Variants in ZFAND3 observed in about 807,000 individuals in gnomAD.
ZFAND3 encodes the protein zinc finger AN1-type containing 3.
Under a neutral mutation model 29.6 loss-of-function variants are expected in ZFAND3, and 10 were observed. That is an observed-to-expected ratio of 0.34 (90% CI 0.21 to 0.57). ZFAND3 has a LOEUF of 0.57. Ranked by LOEUF, ZFAND3 falls within the 20% of genes least tolerant of loss-of-function variation. The pLI is 0.86. For missense variants in ZFAND3, 230 were observed against 304.5 expected (o/e 0.76, Z 1.82); for synonymous variants, 128 against 112.6 (o/e 1.14, Z -0.87).
chr6:37,920,214 G>A (rs1761351798), intron 1 of ZFAND3, among the ~76,000 whole-genome samples: 1 of 151,922 alleles, frequency 6.6e-6, no homozygotes. Flanking sequence ...TAGTGGGACA[G>A]TTGCAATCAT....
intron 1 of ZFAND3, among the ~76,000 whole-genome samples, chr6:37,862,399 T>C (rs1051592197): frequency 6.6e-6 from 1 of 151,822 alleles, no homozygotes; most frequent in Non-Finnish European, 1.5e-5. Context: ...TTAAATCTGC[T>C]GCAGGGGCTG....
chr6:37,989,414 A>G (rs1287124941), intron 2 of ZFAND3, among the ~76,000 whole-genome samples: 1 of 152,150 alleles, frequency 6.6e-6, no homozygotes, highest in African/African-American at 2.4e-5. Flanking sequence ...TCCTTGGTTT[A>G]CAGACACCTT....
intron 5 of ZFAND3, among the ~76,000 whole-genome samples, chr6:38,121,051 G>C (rs1177843536): frequency 2.0e-5 from 3 of 152,210 alleles, no homozygotes; most frequent in African/African-American, 7.2e-5. Context: ...GTCTAAATCT[G>C]TGGCTTCAAG....
chr6:37,958,584 C>T (rs564448798), intron 2 of ZFAND3, among the ~76,000 whole-genome samples: 2 of 152,028 alleles, frequency 1.3e-5, no homozygotes, highest in South Asian at 4.2e-4. Flanking sequence ...AAATATTTGA[C>T]TTAAGATAAT....
chr6:38,012,377 A>ATT lies in ZFAND3; in HGVS notation c.113-49198_113-49197dup, dbSNP rs67495073. ...AGCTTCCTCCTTTCTTTTTGATAGT[A>ATT]TTTTTTTTTTTTTTTTTTTGAGTCG... is the stretch of plus-strand genomic sequence containing the variant. On this transcript the variant is annotated intron_variant, in intron 2 of 5. Transcript: ENST00000287218. Among the ~76,000 whole-genome samples the ATT allele has an allele frequency of 4.6e-3, 572 of 123,326 alleles. 7 individuals carry two copies. Among genetic ancestry groups the ATT allele is most frequent in the African/African-American group, 0.015 (473 of 32,616 alleles). The allele number at this position is 123,326 out of a possible 152,430, so 80.9% of individuals were successfully genotyped here.
At chr6:37,891,896 T>A (rs550116828) in intron 1 of ZFAND3, among the ~76,000 whole-genome samples, 2 of 152,132 alleles carry the variant, frequency 1.3e-5, no homozygotes, top group East Asian at 1.9e-4. Flanking sequence ...ACCCTGCTAA[T>A]TTTTTGTATT....
intron 1 of ZFAND3, among the ~76,000 whole-genome samples, chr6:37,900,581 G>A (rs542025734): frequency 6.6e-6 from 1 of 152,222 alleles, no homozygotes; most frequent in African/African-American, 2.4e-5. Flanking sequence ...TTTTGGAAAA[G>A]CACTAGTATT....
chr6:38,114,148 C>T (rs1457797640), intron 4 of ZFAND3, among the ~76,000 whole-genome samples: 1 of 152,116 alleles, frequency 6.6e-6, no homozygotes, highest in African/African-American at 2.4e-5. Flanking sequence ...GAATTTAGGA[C>T]TTTGTCTCAG....
chr6:38,128,011 T>A (rs887384041), intron 5 of ZFAND3, among the ~76,000 whole-genome samples: 7 of 152,194 alleles, frequency 4.6e-5, no homozygotes, highest in Middle Eastern at 3.2e-3. Context: ...TCTCTTAACT[T>A]CTTCTTGTTA....
rs142037467 is a variant in ZFAND3 at position 37,824,929 on chromosome 6, C to T, written c.71+4913C>T. Among the ~76,000 whole-genome samples the T allele has an allele frequency of 2.0e-3, 312 of 152,268 alleles. 4 individuals are homozygous for T. The highest frequency in any genetic ancestry group is 7.2e-3 in the African/African-American group (300 of 41,522). Reference sequence around the variant, plus strand: ...CTAAAATAAATTTCATTTCTGAAATCGGTAATAATAGAAAGTTGATTGAAA... The same window carrying T: ...CTAAAATAAATTTCATTTCTGAAATTGGTAATAATAGAAAGTTGATTGAAA... On this transcript the variant is annotated intron_variant, in intron 1 of 5. Transcript: ENST00000287218.
At chr6:38,122,681 G>T (rs2127487589) in intron 5 of ZFAND3, among the ~76,000 whole-genome samples, 2 of 152,226 alleles carry the variant, frequency 1.3e-5, no homozygotes, top group East Asian at 3.9e-4. Context: ...ATTTTAATAT[G>T]CACTCAAGTA....
In ZFAND3 at chr6:38,154,107, C is replaced by G; in HGVS notation, c.*1718C>G. The G allele has an allele frequency of 1.0e-6, 1 of 985,550 alleles. No homozygotes were observed. Among genetic ancestry groups the G allele is most frequent in the Non-Finnish European group, 1.2e-6 (1 of 829,986 alleles). 61.1% of individuals were successfully genotyped at this position (985,550 alleles called of 1,614,324 possible). ...GACCGGTGTCTTGCTCTAGGGCAACCCAGGGCAGAGGGGCCAGGTCTGCCC... is the reference window on the plus strand; with the variant it reads ...GACCGGTGTCTTGCTCTAGGGCAACGCAGGGCAGAGGGGCCAGGTCTGCCC... On this transcript the variant is annotated 3_prime_UTR_variant, in exon 6 of 6. Coordinates refer to ENST00000287218, the MANE Select transcript of ZFAND3 (RefSeq NM_021943.3).
intron 1 of ZFAND3, among the ~76,000 whole-genome samples, chr6:37,924,829 TA>T (rs1277727686): frequency 2.0e-5 from 3 of 151,448 alleles, no homozygotes; most frequent in Non-Finnish European, 2.9e-5. Flanking sequence ...AAACAAAAAA[TA>T]AAAAAATAAA....
intron 5 of ZFAND3, among the ~76,000 whole-genome samples, chr6:38,123,905 T>C (rs1268595335): frequency 1.3e-5 from 2 of 152,152 alleles, no homozygotes; most frequent in African/African-American, 4.8e-5. Context: ...CAAGATTTAT[T>C]GCAAAGAGCG....
intron 4 of ZFAND3, among the ~76,000 whole-genome samples, chr6:38,103,401 ATAC>A (rs1765135756): frequency 6.8e-6 from 1 of 147,044 alleles, no homozygotes; most frequent in African/African-American, 2.6e-5. Flanking sequence ...ACACATATAT[ATAC>A]ACACACACGT....
chr6:38,112,953 G>A (rs937482189), intron 4 of ZFAND3, among the ~76,000 whole-genome samples: 6 of 152,058 alleles, frequency 3.9e-5, no homozygotes, highest in Non-Finnish European at 7.4e-5. Flanking sequence ...TTTGCTTCTC[G>A]AAGAAATTAC....
chr6:38,108,684 G>T (rs1021989536), intron 4 of ZFAND3, among the ~76,000 whole-genome samples: 6 of 152,164 alleles, frequency 3.9e-5, no homozygotes, highest in African/African-American at 1.4e-4. Flanking sequence ...TGATTGGATG[G>T]TGCCTACCCA....
chr6:37,946,310 T>C (rs1761900867), intron 2 of ZFAND3, among the ~76,000 whole-genome samples: 1 of 152,216 alleles, frequency 6.6e-6, no homozygotes, highest in South Asian at 2.1e-4. Context: ...ACTCAAGGTT[T>C]TGTGAACATC....
intron 5 of ZFAND3, among the ~76,000 whole-genome samples, chr6:38,120,149 G>C (rs186254039): frequency 6.6e-6 from 1 of 152,068 alleles, no homozygotes; most frequent in Admixed American, 6.5e-5. Context: ...TTTCTACTCA[G>C]TAAGCAAATT....
Sources: allele counts gnomAD v4.1 joint callset (sites outside exome capture counted in the v4.1 genomes callset), GRCh38; gene constraint gnomAD v4.1.1; transcripts MANE v1.5; gene names NCBI Gene and HGNC (gene_info 2026-07-23, HGNC 2026-07-21).